Variants in SASH1 observed in about 807,000 individuals in gnomAD.
The protein encoded by SASH1 is SAM and SH3 domain-containing protein 1.
A neutral mutation model predicts 125.2 loss-of-function variants in SASH1; 44 were observed. That is an observed-to-expected ratio of 0.35 (90% CI 0.28 to 0.45). The LOEUF (loss-of-function observed/expected upper bound fraction) is 0.45, where lower values mean the gene tolerates loss of function less well. Ranked by LOEUF, SASH1 falls within the 20% of genes least tolerant of loss-of-function variation. The probability of loss-of-function intolerance (pLI) is 1.00; values close to 1 mark genes in which losing one functional copy is unlikely to be tolerated. For missense variants in SASH1, 1,426 were observed against 1,614.5 expected, an observed-to-expected ratio of 0.88 and a Z score of 2.00; for synonymous variants, 639 against 649.1, an observed-to-expected ratio of 0.98 and a Z score of 0.24.
the SASH1 span, among the ~76,000 whole-genome samples, chr6:148,240,734 G>A: frequency 2.0e-5 from 3 of 152,146 alleles, no homozygotes; most frequent in African/African-American, 7.2e-5. Context: ...TTTTCAACAT[G>A]ATAAAGAGGA....
chr6:148,271,197 A>G (rs1174781636), upstream of SASH1, among the ~76,000 whole-genome samples: 1 of 152,062 alleles, frequency 6.6e-6, no homozygotes, highest in African/African-American at 2.4e-5. Context: ...GGTGTGAGCC[A>G]CCGCGCCCAG....
chr6:148,528,053 T>C (rs1430481526), intron 12 of SASH1, among the ~76,000 whole-genome samples: 1 of 151,054 alleles, frequency 6.6e-6, no homozygotes, highest in African/African-American at 2.4e-5. Context: ...ACATAGCCAG[T>C]CTAAGAAATA....
At chr6:148,305,623 CAAAAA>C (rs59521298) in intron 1 of SASH1, among the ~76,000 whole-genome samples, 2 of 104,376 alleles carry the variant, frequency 1.9e-5, no homozygotes, top group Admixed American at 1.1e-4. Flanking sequence ...GACTCTGACT[CAAAAA>C]AAAAAAAAAA....
intron 2 of SASH1, among the ~76,000 whole-genome samples, chr6:148,436,373 A>G (rs1776290735): frequency 6.6e-6 from 1 of 151,968 alleles, no homozygotes; most frequent in Non-Finnish European, 1.5e-5. Flanking sequence ...TGTGCCACCT[A>G]GAGGCATGTG....
intron 19 of SASH1, among the ~76,000 whole-genome samples, chr6:148,546,565 G>T (rs1782586475): frequency 6.6e-6 from 1 of 152,116 alleles, no homozygotes; most frequent in African/African-American, 2.4e-5. Flanking sequence ...AACTTCCAAA[G>T]ATCTATTGTT....
chr6:148,516,772 C>G (rs1780468460), intron 9 of SASH1, among the ~76,000 whole-genome samples: 1 of 152,076 alleles, frequency 6.6e-6, no homozygotes, highest in Non-Finnish European at 1.5e-5. Context: ...GGCCACTCAG[C>G]CAGCCAGCAG....
intron 4 of SASH1, among the ~76,000 whole-genome samples, chr6:148,468,035 G>A (rs4897015): frequency 0.83 from 126,609 of 152,260 alleles, 52,678 homozygotes; most frequent in Middle Eastern, 0.84. Flanking sequence ...TGGAGGAACT[G>A]TGTACTGGCC....
chr6:148,457,995 C>G (rs1166122570), intron 4 of SASH1, among the ~76,000 whole-genome samples: 9 of 152,220 alleles, frequency 5.9e-5, no homozygotes, highest in Non-Finnish European at 1.0e-4. Context: ...GTTGGCGACA[C>G]AGAGCCAAAT....
intron 1 of SASH1, among the ~76,000 whole-genome samples, chr6:148,280,792 C>A (rs4470871): frequency 0.21 from 31,544 of 151,814 alleles, 3,571 homozygotes; most frequent in South Asian, 0.29. Flanking sequence ...TAGGTGACAG[C>A]GTAAGACCTT....
Position 148,519,767 on chromosome 6 carries a change from C to A in SASH1, c.1083C>A (p.Gly361=), listed in dbSNP as rs34493383. The change falls in exon 10 of 20, where the codon GGC becomes GGA. Residue 361 remains glycine (G), a synonymous_variant. Transcript: ENST00000367467. The surrounding 1 kb of genome is among the most constrained non-coding windows in gnomAD (Gnocchi z 4.8). ...CCTTCAGCAAAGGAGAGAGCCGGGG[C>A]CTGATTAAGCCCCCCAAGAAGATGG... ...VKTFSKGESR[G]LIKPPKKMGT... is the part of the protein sequence containing the mutation. The A allele has an allele frequency of 0.027, 44,142 of 1,614,012 alleles. 696 individuals carry two copies. Among genetic ancestry groups the A allele is most frequent in the Non-Finnish European group, 0.033 (38,398 of 1,179,986 alleles).
chr6:148,436,103 C>G (rs1776281209), intron 2 of SASH1, among the ~76,000 whole-genome samples: 1 of 152,224 alleles, frequency 6.6e-6, no homozygotes, highest in Admixed American at 6.5e-5. Flanking sequence ...ACAGCGATGT[C>G]TGCCATCCAG....
In SASH1 at chr6:148,343,194, C is replaced by A. The variant is rs764725698; in HGVS notation, c.127C>A (p.Arg43=). 2.5e-6 allele frequency: 4 copies of A among 1,599,414 alleles called. No homozygotes were observed. The highest frequency in any genetic ancestry group is 1.3e-5 in the African/African-American group (1 of 74,790). ...PGAGTSEAFS[R]LWTDVMGILD... is the part of the protein sequence containing the mutation. ...TGCTGGCACATCCGAGGCGTTCTCC[C>A]GACTCTGGACCGACGTGATGGGTAT... Residue 43 remains arginine (R), a synonymous_variant, in exon 1 of 20, where the codon CGA becomes AGA. Coordinates refer to ENST00000367467, the MANE Select transcript of SASH1 (RefSeq NM_015278.5).
At chr6:148,547,050 C>T (rs904575241) in intron 19 of SASH1, among the ~76,000 whole-genome samples, 2 of 152,118 alleles carry the variant, frequency 1.3e-5, no homozygotes, top group African/African-American at 2.4e-5. Flanking sequence ...ATAGAAGATT[C>T]GTTTTCACTG....
the SASH1 span, among the ~76,000 whole-genome samples, chr6:148,200,779 A>G: frequency 6.6e-6 from 1 of 152,236 alleles, no homozygotes; most frequent in Admixed American, 6.5e-5. Flanking sequence ...CAATTGAAGG[A>G]CAGACATAGA....
intron 1 of SASH1, among the ~76,000 whole-genome samples, chr6:148,331,959 C>T (rs1781008256): frequency 6.6e-6 from 1 of 152,184 alleles, no homozygotes; most frequent in Non-Finnish European, 1.5e-5. Flanking sequence ...GCTGGGATTA[C>T]AGGTGTGTTC....
Position 148,348,213 on chromosome 6 carries a change from C to G in SASH1, c.156+4990C>G, listed in dbSNP as rs559470817. 2.6e-4 allele frequency among the ~76,000 whole-genome samples: 39 copies of G among 152,148 alleles called. No individual in the cohort carries two copies. In the South Asian group the frequency reaches 7.5e-3, roughly 29 times the overall value. On this transcript the variant is annotated intron_variant, in intron 1 of 19. Transcript: ENST00000367467. ...GTAGAGACAGGGTTTAGGCTGGTCT[C>G]AAATCCCTGGCCACAAGTGATCCAC... is the stretch of plus-strand genomic sequence containing the variant.
chr6:148,519,175 G>C lies in SASH1; in HGVS notation c.863-372G>C, dbSNP rs537970050. Among the ~76,000 whole-genome samples the C allele has an allele frequency of 5.3e-5, 8 of 152,184 alleles. No individual in the cohort carries two copies. The highest frequency in any genetic ancestry group is 1.9e-4 in the African/African-American group (8 of 41,450). ...AACATAAAGGAGTGCCTTTCAGAAGGGGGAAAGATCCTGATTCCTAGTTTC... is the reference window on the plus strand; with the variant it reads ...AACATAAAGGAGTGCCTTTCAGAAGCGGGAAAGATCCTGATTCCTAGTTTC... On this transcript the variant is annotated intron_variant, in intron 9 of 19. Transcript: ENST00000367467. This position sits in a 1 kb window ranked among gnomAD's most constrained non-coding sequence, Gnocchi z 4.8.
the SASH1 span, among the ~76,000 whole-genome samples, chr6:148,218,270 G>A: frequency 1.3e-5 from 2 of 152,054 alleles, no homozygotes; most frequent in African/African-American, 4.8e-5. Context: ...ACCATGGAAA[G>A]AGGAAGAGGA....
At chr6:148,548,185 A>G (rs1441324134) in intron 19 of SASH1, 110 bp from the exon 20 acceptor site, 2 of 991,224 alleles carry the variant, frequency 2.0e-6, no homozygotes, top group East Asian at 2.6e-5. Context: ...TCGCTTTCTG[A>G]TAATAGTCTA....
Sources: allele counts gnomAD v4.1 joint callset (sites outside exome capture counted in the v4.1 genomes callset), GRCh38; gene constraint gnomAD v4.1.1; non-coding constraint Gnocchi (gnomAD v3.1); transcripts MANE v1.5; gene names NCBI Gene and HGNC (gene_info 2026-07-23, HGNC 2026-07-21).